The following WWTR1 variants were observed in gnomAD, a reference collection of about 807,000 sequenced individuals.
WWTR1 encodes the protein WW domain containing transcription regulator 1.
WWTR1 carries 13 observed loss-of-function variants against 40.1 expected under a neutral mutation model. The ratio of observed to expected loss-of-function variants is 0.32; its 90% CI spans 0.21 to 0.52. The LOEUF (loss-of-function observed/expected upper bound fraction) is 0.52. WWTR1 is among the 20% of genes least tolerant of loss of function. WWTR1 has a pLI of 0.97. For missense variants in WWTR1, 436 were observed against 523.1 expected, an observed-to-expected ratio of 0.83 and a Z score of 1.63; for synonymous variants, 230 against 210.1, an observed-to-expected ratio of 1.09 and a Z score of -0.82.
At chr3:149,693,869 T>G (rs2108215881) in intron 1 of WWTR1, among the ~76,000 whole-genome samples, 1 of 152,072 alleles carries the variant, frequency 6.6e-6, no homozygotes, top group East Asian at 1.9e-4. Flanking sequence ...TATATAAAAA[T>G]CAAATATAAA....
chr3:149,646,875 A>G (rs1712561662), intron 2 of WWTR1, among the ~76,000 whole-genome samples: 1 of 152,198 alleles, frequency 6.6e-6, no homozygotes, highest in Non-Finnish European at 1.5e-5. Context: ...ACAGTGTTTG[A>G]GCATATAAAA....
At chr3:149,678,860 T>C (rs1714362181) in intron 1 of WWTR1, among the ~76,000 whole-genome samples, 1 of 151,468 alleles carries the variant, frequency 6.6e-6, no homozygotes, top group East Asian at 1.9e-4. Flanking sequence ...TTCGCTCTTG[T>C]TGCCCAAGCT....
At chr3:149,673,745 T>TA (rs1271758166) in intron 1 of WWTR1, among the ~76,000 whole-genome samples, 1 of 152,204 alleles carries the variant, frequency 6.6e-6, no homozygotes, top group East Asian at 1.9e-4. Context: ...TCTCCAGAGT[T>TA]ATGCATTCTT....
chr3:149,629,297 G>A (rs1233545138), intron 2 of WWTR1, among the ~76,000 whole-genome samples: 1 of 148,304 alleles, frequency 6.7e-6, no homozygotes, highest in African/African-American at 2.5e-5. Flanking sequence ...TTACAGAAGA[G>A]TCCCTCAGGC....
chr3:149,562,878 T>TGGGAGA lies in WWTR1; in HGVS notation c.568+9980_568+9985dup, dbSNP rs370407726. Among the ~76,000 whole-genome samples the TGGGAGA allele has an allele frequency of 7.3e-3, 1,104 of 152,022 alleles. 5 individuals are homozygous for TGGGAGA. Among genetic ancestry groups the TGGGAGA allele is most frequent in the South Asian group, 0.023 (108 of 4,798 alleles). Reference sequence around the variant, plus strand: ...AGAAATCAATCAGTTGGTACCTGGGTGGGAGAGGTGATGATCACACACAGG... The same window carrying TGGGAGA: ...AGAAATCAATCAGTTGGTACCTGGGTGGGAGAGGGAGAGGTGATGATCACACACAGG... On this transcript the variant is annotated intron_variant, in intron 3 of 6. Coordinates refer to ENST00000360632, the MANE Select transcript of WWTR1 (RefSeq NM_015472.6).
chr3:149,532,082 A>G (rs574042814), intron 4 of WWTR1, among the ~76,000 whole-genome samples: 2 of 152,328 alleles, frequency 1.3e-5, no homozygotes, highest in African/African-American at 4.8e-5. Flanking sequence ...TGGTCCTGCT[A>G]TCTAACAGAA....
At chr3:149,545,813 G>T (rs1198356656) in intron 3 of WWTR1, among the ~76,000 whole-genome samples, 3 of 152,118 alleles carry the variant, frequency 2.0e-5, no homozygotes, top group Non-Finnish European at 4.4e-5. Flanking sequence ...GAGCCACCGC[G>T]CCCAGCCCTA....
intron 4 of WWTR1, among the ~76,000 whole-genome samples, chr3:149,720,782 C>A (rs1344032064): frequency 6.6e-6 from 1 of 152,050 alleles, no homozygotes; most frequent in Admixed American, 6.6e-5. Flanking sequence ...TTTATGTCTT[C>A]TTTAATTTCT....
intron 2 of WWTR1, among the ~76,000 whole-genome samples, chr3:149,596,956 G>T (rs1455360202): frequency 6.6e-6 from 1 of 152,056 alleles, no homozygotes; most frequent in African/African-American, 2.4e-5. Context: ...AAAGACCTTA[G>T]AACAAAACCT....
intron 5 of WWTR1, among the ~76,000 whole-genome samples, chr3:149,709,478 T>C (rs1177110892): frequency 5.9e-5 from 9 of 152,212 alleles, no homozygotes; most frequent in Admixed American, 5.9e-4. Context: ...TTGTGGTTGC[T>C]GTTATTATTT....
chr3:149,652,406 G>A (rs995831188), intron 2 of WWTR1, among the ~76,000 whole-genome samples: 1 of 151,464 alleles, frequency 6.6e-6, no homozygotes. Flanking sequence ...AGGATTGCTT[G>A]AGGCCAGGAG....
intron 2 of WWTR1, among the ~76,000 whole-genome samples, chr3:149,615,769 C>T (rs1033019190): frequency 6.6e-6 from 1 of 152,192 alleles, no homozygotes; most frequent in African/African-American, 2.4e-5. Flanking sequence ...TGGCCAAGGA[C>T]TCAAGGCAAG....
chr3:149,548,355 A>C (rs1736465247), intron 3 of WWTR1, among the ~76,000 whole-genome samples: 1 of 152,232 alleles, frequency 6.6e-6, no homozygotes, highest in Admixed American at 6.5e-5. Context: ...GAGGGAGGCC[A>C]GTGAATCAGA....
chr3:149,674,075 T>TGGGCATGGTAGGCGC (rs1285754852), intron 1 of WWTR1, among the ~76,000 whole-genome samples: 19 of 70,038 alleles, frequency 2.7e-4, no homozygotes, highest in African/African-American at 8.7e-4. Context: ...AAAAATTAGC[T>TGGGCATGGTAGGCGC]GGGCATGGTA....
chr3:149,595,663 C>A (rs371955625), intron 2 of WWTR1, among the ~76,000 whole-genome samples: 13 of 152,102 alleles, frequency 8.5e-5, no homozygotes, highest in African/African-American at 3.1e-4. Flanking sequence ...TAAAATCCTT[C>A]CTACTTGGTT....
Position 149,573,082 on chromosome 3 carries a change from G to A in WWTR1, c.432-82C>T, listed in dbSNP as rs1576570908. On this transcript the variant is annotated intron_variant, in intron 2 of 6. Coordinates refer to ENST00000360632, the MANE Select transcript of WWTR1 (RefSeq NM_015472.6). ...CACCAACAACAGCATAATAGTTAAT[G>A]ACACTAATTCTTCCCTTAGGATCTG... 2.9e-6 allele frequency: 4 copies of A among 1,382,786 alleles called. No individual in the cohort carries two copies. In the East Asian group the frequency reaches 9.3e-5, roughly 32 times the overall value. 85.7% of individuals were successfully genotyped at this position (1,382,786 alleles called of 1,614,324 possible). A position where few individuals can be genotyped will look rare whatever the true frequency, so the allele number is the denominator to read the frequency against.
intron 2 of WWTR1, among the ~76,000 whole-genome samples, chr3:149,650,444 T>G (rs1712797937): frequency 6.6e-6 from 1 of 152,190 alleles, no homozygotes; most frequent in Admixed American, 6.5e-5. Flanking sequence ...GGTAATAATA[T>G]ATACCTGTTC....
At chr3:149,578,887 A>T (rs951604919) in intron 2 of WWTR1, among the ~76,000 whole-genome samples, 2 of 152,186 alleles carry the variant, frequency 1.3e-5, no homozygotes, top group African/African-American at 2.4e-5. Context: ...CCATCTCAAA[A>T]AAAATAAAAT....
intron 3 of WWTR1, among the ~76,000 whole-genome samples, chr3:149,547,204 G>C (rs1736401431): frequency 1.4e-5 from 2 of 145,826 alleles, no homozygotes; most frequent in African/African-American, 5.1e-5. Flanking sequence ...GAACATTTTA[G>C]GGAGAGAACA....
Sources: allele counts gnomAD v4.1 joint callset (sites outside exome capture counted in the v4.1 genomes callset), GRCh38; gene constraint gnomAD v4.1.1; transcripts MANE v1.5; gene names NCBI Gene and HGNC (gene_info 2026-07-23, HGNC 2026-07-21).